Variants in CLASP1 observed in about 807,000 individuals in gnomAD.
The protein encoded by CLASP1 is CLIP-associating protein 1.
CLASP1 carries 38 observed loss-of-function variants against 192.3 expected under a neutral mutation model. That is an observed-to-expected ratio of 0.20 (90% CI 0.15 to 0.26). CLASP1 has a LOEUF of 0.26. Among genes scored for constraint, CLASP1 ranks in the 10% least tolerant of loss-of-function variants. The pLI, the probability that CLASP1 is intolerant of heterozygous loss-of-function variation, is 1.00. For synonymous variants in CLASP1, 691 were observed against 712.8 expected (o/e 0.97, Z 0.49); for missense variants, 1,433 against 1,932.5 (o/e 0.74, Z 4.85).
At chr2:121,489,276 A>C (rs2093166083) in intron 8 of CLASP1, among the ~76,000 whole-genome samples, 1 of 152,236 alleles carries the variant, frequency 6.6e-6, no homozygotes, top group Non-Finnish European at 1.5e-5. Context: ...ATATACTTTA[A>C]ATTCTCAATT....
chr2:121,515,909 G>A, intron 6 of CLASP1, 147 bp from the exon 7 acceptor site: 1 of 658,444 alleles, frequency 1.5e-6, no homozygotes, highest in Admixed American at 2.6e-5. Context: ...TTTGTCTAGA[G>A]AAAGCCATGT....
intron 39 of CLASP1, among the ~76,000 whole-genome samples, chr2:121,343,184 G>A (rs79766833): frequency 0.037 from 5,644 of 152,232 alleles, 156 homozygotes; most frequent in East Asian, 0.14. Context: ...CATAGAGGAC[G>A]GCTATTAGAA....
chr2:121,503,064 A>G, intron 8 of CLASP1, 103 bp downstream of exon 8: 1 of 730,178 alleles, frequency 1.4e-6, no homozygotes, highest in Non-Finnish European at 2.3e-6. Flanking sequence ...TTTAAGACTT[A>G]GAAACTCTTA....
exon 40 of CLASP1, chr2:121,340,016 C>T (rs1319775764): frequency 1.3e-5 from 2 of 152,190 alleles, no homozygotes; most frequent in Non-Finnish European, 2.9e-5. Flanking sequence ...ACAGTGTTCC[C>T]AAGGATCTCA....
chr2:121,466,250 A>G (rs934867965), intron 9 of CLASP1, among the ~76,000 whole-genome samples: 2 of 152,228 alleles, frequency 1.3e-5, no homozygotes, highest in Non-Finnish European at 2.9e-5. Context: ...CTCAGTAACA[A>G]AAAGTAAAAT....
At chr2:121,377,786 G>GTT in intron 33 of CLASP1, 137 bp from the exon 35 acceptor site, 1 of 604,536 alleles carries the variant, frequency 1.7e-6, no homozygotes. Flanking sequence ...GAATGAAAAG[G>GTT]AGACGTCTTT....
At chr2:121,580,065 A>G (rs907447277) in intron 2 of CLASP1, among the ~76,000 whole-genome samples, 1 of 152,234 alleles carries the variant, frequency 6.6e-6, no homozygotes, top group African/African-American at 2.4e-5. Flanking sequence ...GGACTGATGC[A>G]GTGGAATATG....
At chr2:121,450,383 A>G (rs1042159112) in intron 16 of CLASP1, among the ~76,000 whole-genome samples, 1 of 152,192 alleles carries the variant, frequency 6.6e-6, no homozygotes, top group African/African-American at 2.4e-5. Context: ...CCATGGCCAC[A>G]TAATTGGAGG....
chr2:121,458,177 A>G (rs1256213085), intron 13 of CLASP1, among the ~76,000 whole-genome samples: 1 of 152,262 alleles, frequency 6.6e-6, no homozygotes, highest in East Asian at 1.9e-4. Context: ...AATACAAAGT[A>G]AATAACCAAT....
intron 2 of CLASP1, among the ~76,000 whole-genome samples, chr2:121,563,078 C>G (rs1395189636): frequency 2.0e-5 from 3 of 152,098 alleles, no homozygotes; most frequent in Non-Finnish European, 4.4e-5. Flanking sequence ...GTGTGCCCTC[C>G]CTCCCAACTG....
chr2:121,425,093 A>G, intron 22 of CLASP1, 46 bp downstream of exon 22: 1 of 1,544,982 alleles, frequency 6.5e-7, no homozygotes, highest in Non-Finnish European at 8.8e-7. Flanking sequence ...AATCAAAACT[A>G]TGACCAAGCT....
At chr2:121,531,199 G>A (rs148776414) in intron 2 of CLASP1, among the ~76,000 whole-genome samples, 73 of 152,246 alleles carry the variant, frequency 4.8e-4, no homozygotes, top group Middle Eastern at 3.4e-3. Context: ...ACTTTACGCC[G>A]ATCATCAACT....
intron 34 of CLASP1, among the ~76,000 whole-genome samples, chr2:121,376,454 T>A (rs939219888): frequency 6.6e-6 from 1 of 151,398 alleles, no homozygotes; most frequent in African/African-American, 2.4e-5. Flanking sequence ...CTCACTCATT[T>A]ATGGGAACTA....
intron 2 of CLASP1, among the ~76,000 whole-genome samples, chr2:121,585,023 ACATGAACT>A (rs2105641373): frequency 6.6e-6 from 1 of 152,326 alleles, no homozygotes; most frequent in African/African-American, 2.4e-5. Flanking sequence ...CACTTTCTAC[ACATGAACT>A]CTTTTACCCT....
chr2:121,514,769 C>A lies in CLASP1; in HGVS notation c.644+896G>T, dbSNP rs554146026. ...TCCTGTATATTTCAATATTCCATCC[C>A]ATTTCCAGATGCCCAGTATGCCATA... On this transcript the variant is annotated intron_variant, in intron 7 of 39. Coordinates refer to ENST00000263710, the Ensembl canonical transcript of CLASP1. 3.9e-5 allele frequency among the ~76,000 whole-genome samples: 6 copies of A among 152,322 alleles called. No homozygotes were observed. In the South Asian group the frequency reaches 1.2e-3, roughly 32 times the overall value.
At chr2:121,594,455 T>C (rs1303359615) in intron 2 of CLASP1, among the ~76,000 whole-genome samples, 2 of 151,094 alleles carry the variant, frequency 1.3e-5, no homozygotes, top group African/African-American at 4.9e-5. Flanking sequence ...TGCAGTGGCA[T>C]GATCTCAGGT....
intron 2 of CLASP1, chr2:121,531,124 G>GT (rs1198265268): frequency 1.6e-6 from 1 of 625,940 alleles, no homozygotes; most frequent in Non-Finnish European, 2.9e-6. Context: ...AGTGTCGCAA[G>GT]TAAAGTTCTT....
chr2:121,398,575 G>GA (rs1387426387), intron 28 of CLASP1, among the ~76,000 whole-genome samples, 175 bp from the exon 30 acceptor site: 1 of 151,998 alleles, frequency 6.6e-6, no homozygotes, highest in African/African-American at 2.4e-5. Flanking sequence ...AGAAAATATG[G>GA]AAAAAGGAAG....
rs185423102 is a variant in CLASP1 at position 121,579,504 on chromosome 2, G to T, written c.195+26197C>A. Among the ~76,000 whole-genome samples, 543 of 152,268 alleles carry T rather than the reference G, an allele frequency of 3.6e-3. 10 individuals are homozygous for T. Among genetic ancestry groups the T allele is most frequent in the Non-Finnish European group, 6.2e-3 (420 of 68,026 alleles). ...CCGATCCCTCCTCCTCTCAGTCCCT[G>T]GCAACCACTAATGCAATTCTCATTC... On this transcript the variant is annotated intron_variant, in intron 2 of 39. Coordinates refer to ENST00000263710, the Ensembl canonical transcript of CLASP1.
Sources: gnomAD v4.1 joint callset for allele counts (sites outside exome capture counted in the v4.1 genomes callset) on GRCh38, gnomAD v4.1.1 for gene constraint, MANE v1.5 for transcripts, NCBI Gene and HGNC (gene_info 2026-07-23, HGNC 2026-07-21) for gene names.